The following ATP8A2 variants were observed in gnomAD, a reference collection of about 807,000 sequenced individuals.
ATP8A2 encodes the protein phospholipid-transporting ATPase IB.
A neutral mutation model predicts 165.6 loss-of-function variants in ATP8A2; 100 were observed. The ratio of observed to expected loss-of-function variants is 0.60; its 90% CI spans 0.51 to 0.71. ATP8A2 has a LOEUF of 0.71. Ranked by LOEUF, ATP8A2 falls within the 30% of genes least tolerant of loss-of-function variation. The probability of loss-of-function intolerance (pLI) is 0.00; values close to 1 mark genes in which losing one functional copy is unlikely to be tolerated. For synonymous variants in ATP8A2, 543 were observed against 548.8 expected (o/e 0.99, Z 0.15); for missense variants, 1,227 against 1,479.5 (o/e 0.83, Z 2.80).
At chr13:25,644,014 A>G (rs761876378) in intron 24 of ATP8A2, among the ~76,000 whole-genome samples, 7 of 149,110 alleles carry the variant, frequency 4.7e-5, no homozygotes, top group Non-Finnish European at 5.9e-5. Flanking sequence ...GCTATTGTAA[A>G]TGGGATTTTT....
chr13:25,894,660 C>T (rs1953478029), intron 33 of ATP8A2, among the ~76,000 whole-genome samples: 1 of 152,174 alleles, frequency 6.6e-6, no homozygotes, highest in Non-Finnish European at 1.5e-5. Flanking sequence ...ATTCTTCCTA[C>T]CCATGAGCAT....
At chr13:25,976,749 T>C (rs1211924793) in intron 35 of ATP8A2, among the ~76,000 whole-genome samples, 1 of 151,828 alleles carries the variant, frequency 6.6e-6, no homozygotes, top group Non-Finnish European at 1.5e-5. Flanking sequence ...TCAGAGCAAA[T>C]AAAGGGAAAA....
chr13:25,594,346 G>A (rs922701042), intron 24 of ATP8A2, among the ~76,000 whole-genome samples: 1 of 152,194 alleles, frequency 6.6e-6, no homozygotes, highest in Non-Finnish European at 1.5e-5. Flanking sequence ...AGAACGCAGT[G>A]TAGCAATAAT....
At chr13:25,567,673 T>C (rs2138158441) in intron 16 of ATP8A2, among the ~76,000 whole-genome samples, 1 of 152,346 alleles carries the variant, frequency 6.6e-6, no homozygotes. Context: ...AAAAGCCTCC[T>C]AGCCTATGTG....
At chr13:25,600,496 A>G (rs2040354342) in intron 24 of ATP8A2, among the ~76,000 whole-genome samples, 1 of 152,226 alleles carries the variant, frequency 6.6e-6, no homozygotes, top group African/African-American at 2.4e-5. Context: ...TGCTTGTGAA[A>G]TTATTGGGAA....
At chr13:25,430,589 G>T (rs990256913) in intron 1 of ATP8A2, among the ~76,000 whole-genome samples, 1 of 151,950 alleles carries the variant, frequency 6.6e-6, no homozygotes, top group Non-Finnish European at 1.5e-5. Context: ...ATAGGTTTTT[G>T]TTGTTGTTGT....
intron 33 of ATP8A2, chr13:25,871,208 T>A (rs555261132): frequency 4.8e-6 from 2 of 417,572 alleles, no homozygotes; most frequent in Admixed American, 3.1e-5. Context: ...AAAGTACACA[T>A]TACATGCTGA....
chr13:25,605,558 C>A (rs1248345352), intron 24 of ATP8A2, among the ~76,000 whole-genome samples: 1 of 152,028 alleles, frequency 6.6e-6, no homozygotes, highest in Non-Finnish European at 1.5e-5. Context: ...ACTAATAATA[C>A]AATAACCTTG....
In ATP8A2 at chr13:25,769,106, C is replaced by A; in HGVS notation, c.2445C>A (p.Ile815=). Residue 815 remains isoleucine, a synonymous_variant, in exon 26 of 37, where the codon ATC becomes ATA. Coordinates refer to ENST00000381655, the MANE Select transcript of ATP8A2 (RefSeq NM_016529.6). ...TGGTGAAGAAGCGGGTGAAGGCCAT[C>A]ACCCTCGCCATCGGAGACGGCGCCA... ...VDVVKKRVKA[I]TLAIGDGAND... 1 of 1,614,208 alleles carries A rather than the reference C, an allele frequency of 6.2e-7. No individual in the cohort carries two copies. Among genetic ancestry groups the A allele is most frequent in the South Asian group, 1.1e-5 (1 of 91,082 alleles).
chr13:25,505,297 C>A (rs1363218894), intron 2 of ATP8A2, among the ~76,000 whole-genome samples: 2 of 151,836 alleles, frequency 1.3e-5, no homozygotes, highest in African/African-American at 4.8e-5. Context: ...CTTCATTCTT[C>A]CAGTTTCTTT....
chr13:25,471,502 C>T (rs1367733623), intron 2 of ATP8A2, among the ~76,000 whole-genome samples: 1 of 152,136 alleles, frequency 6.6e-6, no homozygotes, highest in Admixed American at 6.5e-5. Flanking sequence ...AGGCGCCTGC[C>T]CAGCTAATTT....
At chr13:25,938,050 A>C (rs1316818935) in intron 33 of ATP8A2, among the ~76,000 whole-genome samples, 1 of 152,082 alleles carries the variant, frequency 6.6e-6, no homozygotes, top group Non-Finnish European at 1.5e-5. Flanking sequence ...GAAACTAGGG[A>C]AACTGTATTG....
At chr13:25,435,943 G>C (rs1488204598) in intron 1 of ATP8A2, among the ~76,000 whole-genome samples, 1 of 83,160 alleles carries the variant, frequency 1.2e-5, no homozygotes, top group Non-Finnish European at 2.8e-5. Flanking sequence ...GTGTGTGTGT[G>C]TGTGTGTGAG....
intron 24 of ATP8A2, among the ~76,000 whole-genome samples, chr13:25,657,985 A>G (rs2041970219): frequency 6.6e-6 from 1 of 152,196 alleles, no homozygotes. Flanking sequence ...TTTAATTGAC[A>G]GTATCATCTT....
chr13:25,975,944 G>A (rs761007786), intron 35 of ATP8A2, among the ~76,000 whole-genome samples: 6 of 152,092 alleles, frequency 3.9e-5, no homozygotes, highest in Admixed American at 2.0e-4. Flanking sequence ...CAAACAACCC[G>A]TCCATAAAAA....
intron 24 of ATP8A2, among the ~76,000 whole-genome samples, chr13:25,618,683 CT>C (rs60683948): frequency 0.67 from 87,729 of 131,460 alleles, 30,410 homozygotes; most frequent in Non-Finnish European, 0.79. Flanking sequence ...GATAGTTAGA[CT>C]TTTTTTTTTT....
chr13:25,428,054 T>A (rs2034501253), intron 1 of ATP8A2, among the ~76,000 whole-genome samples: 1 of 151,898 alleles, frequency 6.6e-6, no homozygotes, highest in African/African-American at 2.4e-5. Flanking sequence ...CATGGTGATG[T>A]GCGCCTGTAG....
intron 24 of ATP8A2, among the ~76,000 whole-genome samples, chr13:25,697,418 T>TA (rs1309271161): frequency 3.3e-5 from 5 of 152,150 alleles, no homozygotes; most frequent in African/African-American, 1.2e-4. Context: ...TAGCTGGGAT[T>TA]ACAGGTGCGT....
At chr13:25,662,228 T>C (rs964838882) in intron 24 of ATP8A2, among the ~76,000 whole-genome samples, 1 of 152,340 alleles carries the variant, frequency 6.6e-6, no homozygotes, top group African/African-American at 2.4e-5. Flanking sequence ...TATACACATT[T>C]ACTCTCATTA....
Sources: gnomAD v4.1 joint callset for allele counts (sites outside exome capture counted in the v4.1 genomes callset) on GRCh38, gnomAD v4.1.1 for gene constraint, MANE v1.5 for transcripts, NCBI Gene and HGNC (gene_info 2026-07-23, HGNC 2026-07-21) for gene names.